PCLO: variants seen among roughly 807,000 people sequenced by gnomAD.
PCLO encodes protein piccolo.
Under a neutral mutation model 427.5 loss-of-function variants are expected in PCLO, and 82 were observed. That is an observed-to-expected ratio of 0.19 (90% CI 0.16 to 0.23). PCLO has a LOEUF of 0.23. Among genes scored for constraint, PCLO ranks in the 10% least tolerant of loss-of-function variants. The pLI is 1.00. For missense variants in PCLO, 6,239 were observed against 6,115.9 expected, an observed-to-expected ratio of 1.02 and a Z score of -0.67; for synonymous variants, 2,357 against 2,155.4, an observed-to-expected ratio of 1.09 and a Z score of -2.59.
At chr7:83,157,159 A>G (rs955393831) in intron 1 of PCLO, among the ~76,000 whole-genome samples, 2 of 152,228 alleles carry the variant, frequency 1.3e-5, no homozygotes, top group African/African-American at 4.8e-5. Context: ...CCATGCCTCC[A>G]TCTAGAAAGG....
At chr7:82,779,102 T>C (rs1482592224) in intron 22 of PCLO, among the ~76,000 whole-genome samples, 1 of 152,146 alleles carries the variant, frequency 6.6e-6, no homozygotes, top group Non-Finnish European at 1.5e-5. Flanking sequence ...TTTGTGAACA[T>C]TAACAATAGA....
intron 3 of PCLO, among the ~76,000 whole-genome samples, chr7:82,969,663 C>A (rs1795857788): frequency 6.6e-6 from 1 of 152,022 alleles, no homozygotes; most frequent in African/African-American, 2.4e-5. Context: ...ATAATTCATT[C>A]ATATATCTAT....
intron 10 of PCLO, among the ~76,000 whole-genome samples, chr7:82,848,022 CCTCT>C (rs1220802198): frequency 7.9e-5 from 12 of 152,008 alleles, no homozygotes; most frequent in African/African-American, 2.4e-4. Flanking sequence ...TTTCATTTTT[CCTCT>C]CTATCTAGAA....
At chr7:83,129,327 C>T (rs1291392495) in intron 3 of PCLO, among the ~76,000 whole-genome samples, 2 of 151,992 alleles carry the variant, frequency 1.3e-5, no homozygotes, top group Admixed American at 6.6e-5. Flanking sequence ...TTTCAAACAT[C>T]GCACAGTTTT....
chr7:83,047,898 AC>A (rs1789141101), intron 3 of PCLO, among the ~76,000 whole-genome samples: 1 of 151,984 alleles, frequency 6.6e-6, no homozygotes, highest in South Asian at 2.1e-4. Flanking sequence ...CAACACACAC[AC>A]CCCCACACCC....
chr7:83,142,541 A>G lies in PCLO; in HGVS notation c.1894-6885T>C, dbSNP rs1791886876. ...ATGTATTATTCCATCATCAATGAACATCTGCTGTTTTTCAACTATTACAGT... is the reference window on the plus strand; with the variant it reads ...ATGTATTATTCCATCATCAATGAACGTCTGCTGTTTTTCAACTATTACAGT... On this transcript the variant is annotated intron_variant, in intron 2 of 24. Transcript: ENST00000333891. 3.9e-5 allele frequency among the ~76,000 whole-genome samples: 6 copies of G among 152,236 alleles called. No homozygotes were observed. The South Asian group carries it at 1.2e-3, about 32-fold the overall frequency.
intron 20 of PCLO, among the ~76,000 whole-genome samples, chr7:82,812,572 A>T (rs943940434): frequency 6.6e-6 from 1 of 151,584 alleles, no homozygotes; most frequent in African/African-American, 2.4e-5. Flanking sequence ...AAAATTAAGA[A>T]AGTAAATTCA....
At chr7:83,044,941 T>C (rs1789068685) in intron 3 of PCLO, among the ~76,000 whole-genome samples, 1 of 152,108 alleles carries the variant, frequency 6.6e-6, no homozygotes, top group African/African-American at 2.4e-5. Context: ...AAAGCAATAA[T>C]GATATAATAA....
At chr7:83,096,460 G>A (rs909967399) in intron 3 of PCLO, among the ~76,000 whole-genome samples, 1 of 151,674 alleles carries the variant, frequency 6.6e-6, no homozygotes, top group African/African-American at 2.4e-5. Context: ...TTTGAAATTG[G>A]AATAATGATA....
chr7:83,035,826 T>G lies in PCLO; in HGVS notation c.3301-69339A>C, dbSNP rs570855546. 4.4e-3 allele frequency among the ~76,000 whole-genome samples: 676 copies of G among 152,300 alleles called. 1 individual carries two copies. The highest frequency in any genetic ancestry group is 0.017 in the Middle Eastern group (5 of 294). Reference sequence around the variant, plus strand: ...TCCTTACTTTGTGACAGTCTTATTCTGAGTATTCTCTCTGATTCATTTACT... The same window carrying G: ...TCCTTACTTTGTGACAGTCTTATTCGGAGTATTCTCTCTGATTCATTTACT... On this transcript the variant is annotated intron_variant, in intron 3 of 24. Transcript: ENST00000333891.
chr7:83,162,597 C>T lies in PCLO; in HGVS notation c.-5G>A, dbSNP rs1175174085. The T allele has an allele frequency of 6.5e-7, 1 of 1,534,854 alleles. No homozygotes were observed. Among genetic ancestry groups the T allele is most frequent in the Non-Finnish European group, 8.8e-7 (1 of 1,141,910 alleles). On this transcript the variant is annotated 5_prime_UTR_variant, in exon 1 of 25. Coordinates refer to ENST00000333891, the MANE Select transcript of PCLO (RefSeq NM_033026.6). ...CAAGCTCGCCTCGTTGCCCATGGCTCAGGGAGACTCGGGGCCGCCGCGCTC... is the reference window on the plus strand; with the variant it reads ...CAAGCTCGCCTCGTTGCCCATGGCTTAGGGAGACTCGGGGCCGCCGCGCTC...
At chr7:82,926,171 T>C (rs367952173) in intron 6 of PCLO, among the ~76,000 whole-genome samples, 3 of 152,308 alleles carry the variant, frequency 2.0e-5, no homozygotes, top group African/African-American at 7.2e-5. Flanking sequence ...GTTTTGCATG[T>C]AGAAAACAAG....
intron 3 of PCLO, among the ~76,000 whole-genome samples, chr7:83,052,487 C>T (rs1045192856): frequency 6.6e-6 from 1 of 151,982 alleles, no homozygotes; most frequent in East Asian, 1.9e-4. Flanking sequence ...AAAGGAAACA[C>T]TGATAGTCCT....
intron 13 of PCLO, among the ~76,000 whole-genome samples, chr7:82,842,320 G>C (rs1301632810): frequency 6.6e-6 from 1 of 151,972 alleles, no homozygotes; most frequent in Admixed American, 6.6e-5. Context: ...AATGGTACCA[G>C]GAAAATTGGA....
chr7:82,988,136 T>G (rs1208195807), intron 3 of PCLO, among the ~76,000 whole-genome samples: 3 of 151,898 alleles, frequency 2.0e-5, no homozygotes, highest in African/African-American at 7.3e-5. Context: ...CACCTCAGCT[T>G]CTGAAGTAGA....
rs769185418 is a variant in PCLO, at chr7:82,952,038, T to C, written c.8915A>G (p.Asp2972Gly). The C allele has an allele frequency of 6.2e-7, 1 of 1,613,938 alleles. No homozygotes were observed. The highest frequency in any genetic ancestry group is 8.5e-7 in the Non-Finnish European group (1 of 1,179,848). ...LPEDRFGYRD[D>G]HYQYDRSGPY... ...CCCTGATCGATCATACTGATAGTGG[T>C]CATCCCTATAACCAAAACGATCCTC... is the stretch of plus-strand genomic sequence containing the variant. Residue 2972 changes from aspartate (D) to glycine (G), a missense_variant, in exon 5 of 25, where the codon GAC (aspartate) becomes GGC (glycine). Around this residue, in one of 5 missense-constraint regions of PCLO, gnomAD observed 4,677 missense variants for 4,468.4 expected, o/e 1.05. Coordinates refer to ENST00000333891, the MANE Select transcript of PCLO (RefSeq NM_033026.6).
At chr7:82,891,594 G>C (rs1015464263) in intron 9 of PCLO, among the ~76,000 whole-genome samples, 1 of 152,096 alleles carries the variant, frequency 6.6e-6, no homozygotes. Flanking sequence ...TGGTGACAGA[G>C]GGCATCCCTG....
At chr7:82,938,211 C>T (rs1379069120) in intron 6 of PCLO, among the ~76,000 whole-genome samples, 1 of 151,848 alleles carries the variant, frequency 6.6e-6, no homozygotes, top group Non-Finnish European at 1.5e-5. Context: ...GAATATATTA[C>T]ATTTTGACAT....
chr7:82,919,593 A>G (rs1172433994), intron 6 of PCLO, among the ~76,000 whole-genome samples: 4 of 151,992 alleles, frequency 2.6e-5, no homozygotes, highest in African/African-American at 7.2e-5. Context: ...AACCTAAAGA[A>G]GATTGGATGC....
Sources: allele counts gnomAD v4.1 joint callset (sites outside exome capture counted in the v4.1 genomes callset), GRCh38; gene constraint gnomAD v4.1.1; regional missense constraint gnomAD v4.1.1; transcripts MANE v1.5; gene names NCBI Gene and HGNC (gene_info 2026-07-23, HGNC 2026-07-21).